SPOCK1: variants seen among roughly 807,000 people sequenced by gnomAD.
SPOCK1 encodes the protein testican-1.
A neutral mutation model predicts 55.3 loss-of-function variants in SPOCK1; 23 were observed. That is an observed-to-expected ratio of 0.42 (90% CI 0.30 to 0.59). SPOCK1 has a LOEUF of 0.59. Among genes scored for constraint, SPOCK1 ranks in the 20% least tolerant of loss-of-function variants. The pLI, the probability that SPOCK1 is intolerant of heterozygous loss-of-function variation, is 0.22. For missense variants in SPOCK1, 499 were observed against 552.5 expected (o/e 0.90, Z 0.97); for synonymous variants, 226 against 221.0 (o/e 1.02, Z -0.20).
chr5:137,341,350 T>G (rs1276814173), intron 2 of SPOCK1, among the ~76,000 whole-genome samples: 1 of 152,244 alleles, frequency 6.6e-6, no homozygotes, highest in Non-Finnish European at 1.5e-5. Context: ...GACTTTACTC[T>G]TCATAAGTGT....
At position 137,228,825 on chromosome 5, in the gene SPOCK1, T is replaced by C. The variant is rs550903354; in HGVS notation, c.232+38185A>G. 5.9e-5 allele frequency among the ~76,000 whole-genome samples: 9 copies of C among 152,336 alleles called. No individual in the cohort carries two copies. The East Asian group carries it at 1.7e-3, about 29-fold the overall frequency. ...TACAAATATAATATTTTCAGTTTAATTACTACATAGTAGCTCTTACCCAGA... is the reference window on the plus strand; with the variant it reads ...TACAAATATAATATTTTCAGTTTAACTACTACATAGTAGCTCTTACCCAGA... On this transcript the variant is annotated intron_variant, in intron 3 of 10. Transcript: ENST00000394945.
chr5:137,327,108 G>A (rs763548144), intron 2 of SPOCK1, among the ~76,000 whole-genome samples: 1 of 152,176 alleles, frequency 6.6e-6, no homozygotes, highest in Non-Finnish European at 1.5e-5. Context: ...GAGTACTGTG[G>A]TTAAGAGCAC....
At chr5:137,362,499 TC>T (rs1750972824) in intron 2 of SPOCK1, among the ~76,000 whole-genome samples, 1 of 151,672 alleles carries the variant, frequency 6.6e-6, no homozygotes, top group Non-Finnish European at 1.5e-5. Context: ...CCGGCTAATT[TC>T]TTTTTTTTTA....
At chr5:137,222,594 G>C (rs189890352) in intron 3 of SPOCK1, among the ~76,000 whole-genome samples, 2 of 152,184 alleles carry the variant, frequency 1.3e-5, no homozygotes, top group East Asian at 3.9e-4. Context: ...ACATTTGTTT[G>C]GCCTCTACTG....
intron 2 of SPOCK1, among the ~76,000 whole-genome samples, chr5:137,378,730 C>T (rs78400054): frequency 0.015 from 2,352 of 152,280 alleles, 58 homozygotes; most frequent in African/African-American, 0.053. Context: ...CAGGGCTTGG[C>T]GCCTGAGGCA....
intron 2 of SPOCK1, among the ~76,000 whole-genome samples, chr5:137,436,596 C>T (rs1261688718): frequency 6.6e-6 from 1 of 152,008 alleles, no homozygotes; most frequent in African/African-American, 2.4e-5. Flanking sequence ...CTAGCATATT[C>T]ATATTTGAGA....
chr5:137,007,149 A>G (rs1251449795), intron 6 of SPOCK1, among the ~76,000 whole-genome samples: 2 of 152,244 alleles, frequency 1.3e-5, no homozygotes, highest in African/African-American at 2.4e-5. Context: ...CTCGAAATGA[A>G]TTAAAGATTT....
chr5:137,063,788 C>T (rs909959680), intron 6 of SPOCK1, among the ~76,000 whole-genome samples: 10 of 152,354 alleles, frequency 6.6e-5, no homozygotes, highest in South Asian at 2.1e-4. Context: ...AGCTTGAAAG[C>T]CAATTTGAGG....
intron 6 of SPOCK1, among the ~76,000 whole-genome samples, chr5:137,007,828 A>G (rs2126972600): frequency 6.6e-6 from 1 of 152,294 alleles, no homozygotes. Flanking sequence ...TACTATAAAG[A>G]CACAGGCACA....
At chr5:136,994,021 A>C (rs964189654) in intron 6 of SPOCK1, among the ~76,000 whole-genome samples, 1 of 152,154 alleles carries the variant, frequency 6.6e-6, no homozygotes, top group African/African-American at 2.4e-5. Flanking sequence ...TTGATGGAGA[A>C]CCGAGCTTCC....
At chr5:137,268,360 C>G (rs1486516149) in intron 2 of SPOCK1, among the ~76,000 whole-genome samples, 2 of 152,220 alleles carry the variant, frequency 1.3e-5, no homozygotes, top group Non-Finnish European at 2.9e-5. Context: ...GAATTGCCCA[C>G]TTTGCTCCAG....
intron 2 of SPOCK1, among the ~76,000 whole-genome samples, chr5:137,404,141 C>T (rs1050475535): frequency 6.6e-6 from 1 of 152,130 alleles, no homozygotes; most frequent in Admixed American, 6.5e-5. Context: ...GAGTCACCAA[C>T]TCAAATGCGC....
intron 2 of SPOCK1, among the ~76,000 whole-genome samples, chr5:137,448,391 A>T (rs1385392454): frequency 6.6e-6 from 1 of 152,218 alleles, no homozygotes; most frequent in Non-Finnish European, 1.5e-5. Flanking sequence ...ACCAAACATC[A>T]TCTGATTAGA....
intron 3 of SPOCK1, among the ~76,000 whole-genome samples, chr5:137,227,716 GC>G (rs2127091638): frequency 6.6e-6 from 1 of 152,306 alleles, no homozygotes; most frequent in South Asian, 2.1e-4. Flanking sequence ...AGACCCTGGG[GC>G]TTTGCAAACA....
chr5:137,312,256 G>A (rs953450132), intron 2 of SPOCK1, among the ~76,000 whole-genome samples: 2 of 152,174 alleles, frequency 1.3e-5, no homozygotes, highest in East Asian at 3.9e-4. Flanking sequence ...CTGGTCCCAG[G>A]CAGCCTGCTG....
chr5:137,039,347 A>G lies in SPOCK1; in HGVS notation c.589+28368T>C, dbSNP rs111614106. On this transcript the variant is annotated intron_variant, in intron 6 of 10. Coordinates refer to ENST00000394945, the MANE Select transcript of SPOCK1 (RefSeq NM_004598.4). Reference sequence around the variant, plus strand: ...CCTATACCCGGAGCCCTAGGAGAACAGAGGTGAACTTGAGACGTGTAGACA... The same window carrying G: ...CCTATACCCGGAGCCCTAGGAGAACGGAGGTGAACTTGAGACGTGTAGACA... Among the ~76,000 whole-genome samples the G allele has an allele frequency of 4.3e-3, 633 of 147,390 alleles. 9 individuals carry two copies. The highest frequency in any genetic ancestry group is 0.022 in the Middle Eastern group (6 of 276).
intron 2 of SPOCK1, among the ~76,000 whole-genome samples, chr5:137,460,349 A>G (rs1267549049): frequency 6.6e-6 from 1 of 152,152 alleles, no homozygotes; most frequent in Non-Finnish European, 1.5e-5. Context: ...CAGGGGAGTA[A>G]GCCCTTAGGA....
intron 2 of SPOCK1, among the ~76,000 whole-genome samples, chr5:137,287,621 C>T (rs1170731701): frequency 6.6e-6 from 1 of 152,208 alleles, no homozygotes; most frequent in Non-Finnish European, 1.5e-5. Flanking sequence ...TCAGATGCCT[C>T]TAACAGTTTC....
At chr5:137,342,456 T>G (rs1208336605) in intron 2 of SPOCK1, among the ~76,000 whole-genome samples, 2 of 152,196 alleles carry the variant, frequency 1.3e-5, no homozygotes, top group African/African-American at 4.8e-5. Flanking sequence ...GCCCAGCCAA[T>G]CTCTGCTGTG....
Sources: allele counts gnomAD v4.1 joint callset (sites outside exome capture counted in the v4.1 genomes callset), GRCh38; gene constraint gnomAD v4.1.1; transcripts MANE v1.5; gene names NCBI Gene and HGNC (gene_info 2026-07-23, HGNC 2026-07-21).